AVEN: variants seen among roughly 807,000 people sequenced by gnomAD.
AVEN encodes the protein cell death regulator Aven.
Under a neutral mutation model 38.1 loss-of-function variants are expected in AVEN, and 41 were observed. The ratio of observed to expected loss-of-function variants is 1.08; its 90% CI spans 0.84 to 1.40. The LOEUF (loss-of-function observed/expected upper bound fraction) is 1.40, where lower values mean the gene tolerates loss of function less well. AVEN is among the 40% of genes most tolerant of loss of function. The probability of loss-of-function intolerance (pLI) is 0.00; values close to 1 mark genes in which losing one functional copy is unlikely to be tolerated. For missense variants in AVEN, 605 were observed against 438.8 expected, an observed-to-expected ratio of 1.38 and a Z score of -3.38; for synonymous variants, 206 against 171.8, an observed-to-expected ratio of 1.20 and a Z score of -1.56.
chr15:33,958,407 C>G (rs1218497155), intron 2 of AVEN, among the ~76,000 whole-genome samples: 1 of 151,916 alleles, frequency 6.6e-6, no homozygotes, highest in African/African-American at 2.4e-5. Context: ...TGGCGAAACC[C>G]CATCTCTACT....
chr15:33,954,934 C>T (rs1362120494), intron 2 of AVEN, among the ~76,000 whole-genome samples: 1 of 152,114 alleles, frequency 6.6e-6, no homozygotes, highest in African/African-American at 2.4e-5. Context: ...TTGAAAGGGC[C>T]ACTGGAAGGT....
At chr15:33,858,716 T>C (rs957039857), downstream of AVEN, 1 of 145,752 alleles carries the variant, frequency 6.9e-6, no homozygotes, top group Non-Finnish European at 1.5e-5. Context: ...GGCCAGATCT[T>C]CGTGAGAAAA....
intron 1 of AVEN, among the ~76,000 whole-genome samples, chr15:34,022,518 T>C (rs1398517381): frequency 2.0e-5 from 3 of 152,136 alleles, no homozygotes; most frequent in Non-Finnish European, 4.4e-5. Flanking sequence ...CAGAACAAAA[T>C]GCAAATCCCA....
chr15:33,994,684 G>A (rs997207982), intron 2 of AVEN, among the ~76,000 whole-genome samples: 1 of 152,172 alleles, frequency 6.6e-6, no homozygotes, highest in Admixed American at 6.5e-5. Flanking sequence ...CAGTGTGTGT[G>A]AAATAGAAAT....
At chr15:33,865,043 TA>T, downstream of AVEN, 2 of 953,250 alleles carry the variant, frequency 2.1e-6, no homozygotes, top group Non-Finnish European at 3.3e-6. Flanking sequence ...TCAGTCTTCC[TA>T]AAGGGAGCCA....
intron 2 of AVEN, among the ~76,000 whole-genome samples, chr15:33,983,888 T>C (rs1446057307): frequency 1.3e-5 from 2 of 151,778 alleles, no homozygotes; most frequent in African/African-American, 4.8e-5. Context: ...TACATCATCT[T>C]AGGGTATTCT....
chr15:33,864,947 G>A, downstream of AVEN: 1 of 543,970 alleles, frequency 1.8e-6, no homozygotes, highest in Non-Finnish European at 3.3e-6. Flanking sequence ...ATGTGTCAGA[G>A]AGACATGGCT....
intron 4 of AVEN, chr15:34,064,166 G>A: frequency 1.2e-6 from 2 of 1,614,180 alleles, no homozygotes; most frequent in Non-Finnish European, 1.7e-6. Flanking sequence ...GCTATTGGTT[G>A]TGCTATGTCA....
intron 2 of AVEN, among the ~76,000 whole-genome samples, chr15:33,930,692 A>G (rs1377046882): frequency 6.6e-6 from 1 of 152,220 alleles, no homozygotes; most frequent in African/African-American, 2.4e-5. Context: ...GCGGTGGCTC[A>G]CGCCTGTAAT....
chr15:34,063,236 T>C lies in AVEN; in HGVS notation n.1323A>G. On this transcript the variant is annotated non_coding_transcript_exon_variant, in exon 5 of 12. Coordinates refer to the AVEN transcript ENST00000675287. This position sits in a 1 kb window ranked among gnomAD's most constrained non-coding sequence, Gnocchi z 4.1. ...CAATCCTCTGCTGGCAGTACTTGGT[T>C]GGGAAGCGGACAGTTCCACTGGATG... 1.2e-6 allele frequency: 2 copies of C among 1,614,214 alleles called. No individual in the cohort carries two copies. The highest frequency in any genetic ancestry group is 1.7e-6 in the Non-Finnish European group (2 of 1,180,050).
intron 5 of AVEN, among the ~76,000 whole-genome samples, chr15:34,055,393 T>C (rs978724970): frequency 1.3e-5 from 2 of 151,986 alleles, no homozygotes; most frequent in African/African-American, 4.8e-5. Context: ...TAGTCCCAGC[T>C]ACTCAGGAGG....
chr15:34,008,915 T>C (rs534085644), intron 1 of AVEN, among the ~76,000 whole-genome samples: 2 of 128,736 alleles, frequency 1.6e-5, no homozygotes, highest in African/African-American at 2.7e-5. Context: ...TCCATTTTGT[T>C]AAGATAAAAT....
chr15:33,881,655 G>C (rs1273863530), intron 2 of AVEN, among the ~76,000 whole-genome samples: 1 of 152,204 alleles, frequency 6.6e-6, no homozygotes, highest in Admixed American at 6.5e-5. Context: ...AAATTCTTCT[G>C]CGTTGTGTTG....
chr15:33,913,134 C>T (rs539316006), intron 2 of AVEN, among the ~76,000 whole-genome samples: 3 of 152,282 alleles, frequency 2.0e-5, no homozygotes, highest in African/African-American at 7.2e-5. Flanking sequence ...GGTGATTCAC[C>T]CGCCTCGGCC....
chr15:34,039,228 C>G (rs1290997472), upstream of AVEN: 39 of 377,674 alleles, frequency 1.0e-4, no homozygotes, highest in Non-Finnish European at 1.3e-4. Flanking sequence ...GCGGGGCGGC[C>G]GGCGTCCCGC....
At chr15:33,908,073 T>C (rs1049862533) in intron 2 of AVEN, among the ~76,000 whole-genome samples, 1 of 152,230 alleles carries the variant, frequency 6.6e-6, no homozygotes, top group Non-Finnish European at 1.5e-5. Context: ...AAATCACTTA[T>C]TAAAAAATTT....
At chr15:33,926,612 A>G (rs1177754730) in intron 2 of AVEN, among the ~76,000 whole-genome samples, 2 of 152,058 alleles carry the variant, frequency 1.3e-5, no homozygotes, top group Non-Finnish European at 1.5e-5. Context: ...GGAGCTCAAA[A>G]CCAGCCTAGA....
intron 5 of AVEN, 52 bp from the exon 6 acceptor site, chr15:33,866,780 G>T: frequency 7.5e-7 from 1 of 1,329,376 alleles, no homozygotes; most frequent in South Asian, 1.2e-5. Context: ...TAAAATTGAA[G>T]GTATAATTCA....
At chr15:33,985,454 C>T (rs647721) in intron 2 of AVEN, among the ~76,000 whole-genome samples, 138,447 of 150,474 alleles carry the variant, frequency 0.92, 64,643 homozygotes, top group Non-Finnish European at 1. Context: ...AGAGTAAGTT[C>T]CTTGAGTAAG....
Sources: gnomAD v4.1 joint callset for allele counts (sites outside exome capture counted in the v4.1 genomes callset) on GRCh38, gnomAD v4.1.1 for gene constraint, Gnocchi (gnomAD v3.1) non-coding constraint, MANE v1.5 for transcripts, NCBI Gene and HGNC (gene_info 2026-07-23, HGNC 2026-07-21) for gene names.